Variants in BANP observed in about 807,000 individuals in gnomAD.
The protein encoded by BANP is protein BANP.
Under a neutral mutation model 68.1 loss-of-function variants are expected in BANP, and 11 were observed. The observed-to-expected ratio is 0.16, with a 90% CI of 0.10 to 0.27. The LOEUF (loss-of-function observed/expected upper bound fraction) is 0.27. Ranked by LOEUF, BANP falls within the 10% of genes least tolerant of loss-of-function variation. The pLI is 1.00. For missense variants in BANP, 504 were observed against 722.7 expected (o/e 0.70, Z 3.47); for synonymous variants, 329 against 303.2 (o/e 1.09, Z -0.88).
At chr16:87,979,189 TAA>T (rs2145962116) in intron 2 of BANP, among the ~76,000 whole-genome samples, 1 of 152,274 alleles carries the variant, frequency 6.6e-6, no homozygotes, top group African/African-American at 2.4e-5. Flanking sequence ...GTTTTCCTGT[TAA>T]GATCTTCGGA....
In BANP at chr16:88,036,322, G is replaced by C. The variant is rs1372519051; in HGVS notation, c.1272+928G>C. 6.6e-6 allele frequency among the ~76,000 whole-genome samples: 1 copy of C among 152,166 alleles called. No homozygotes were observed. The highest frequency in any genetic ancestry group is 1.9e-4 in the East Asian group (1 of 5,184). On this transcript the variant is annotated intron_variant, in intron 10 of 13. Coordinates refer to ENST00000682872, the MANE Select transcript of BANP (RefSeq NM_001386991.1). The surrounding 1 kb of genome is among the most constrained non-coding windows in gnomAD (Gnocchi z 4.2). ...CCAGCAGCAGAGACTAGGAAGCCCG[G>C]GTGCTGAGGTCAAGGGGACTCATGG...
chr16:87,982,376 T>A (rs1238997755), intron 3 of BANP, among the ~76,000 whole-genome samples: 1 of 152,212 alleles, frequency 6.6e-6, no homozygotes, highest in African/African-American at 2.4e-5. Flanking sequence ...GCAGAATCAT[T>A]TGTAATTCAG....
chr16:88,036,141 G>A lies in BANP; in HGVS notation c.1272+747G>A, dbSNP rs564797557. Among the ~76,000 whole-genome samples, 109 of 152,364 alleles carry A rather than the reference G, an allele frequency of 7.2e-4. No homozygotes were observed. The highest frequency in any genetic ancestry group is 1.9e-4 in the Non-Finnish European group (13 of 68,040). On this transcript the variant is annotated intron_variant, in intron 10 of 13. Transcript: ENST00000682872. The surrounding 1 kb of genome is among the most constrained non-coding windows in gnomAD (Gnocchi z 4.2). ...TGCAGCACAGGCAGCAGCAGGCACA[G>A]GGCACTAAGCAGCACACACGTGTTG...
At chr16:88,046,868 C>T (rs1434512816) in intron 11 of BANP, among the ~76,000 whole-genome samples, 2 of 151,924 alleles carry the variant, frequency 1.3e-5, no homozygotes, top group East Asian at 1.9e-4. Context: ...AGATCGAGAC[C>T]GTCCTGGCTA....
chr16:87,960,433 C>T (rs1483271250), intron 1 of BANP, among the ~76,000 whole-genome samples: 1 of 152,158 alleles, frequency 6.6e-6, no homozygotes, highest in East Asian at 1.9e-4. Flanking sequence ...AGGTGGGGCA[C>T]ATCGTGTATT....
chr16:87,968,070 G>GT (rs1567607630), intron 1 of BANP, among the ~76,000 whole-genome samples: 1 of 141,314 alleles, frequency 7.1e-6, no homozygotes, highest in South Asian at 2.2e-4. Context: ...GGTTCTACAG[G>GT]TTTTTTTGCC....
At chr16:87,998,629 T>G (rs1304680574) in intron 4 of BANP, among the ~76,000 whole-genome samples, 17 of 122,000 alleles carry the variant, frequency 1.4e-4, no homozygotes, top group Non-Finnish European at 1.2e-4. Context: ...TGCGCGGCTG[T>G]ACTTACCTGT....
chr16:88,027,031 C>T (rs1240472531), intron 7 of BANP, among the ~76,000 whole-genome samples: 4 of 152,254 alleles, frequency 2.6e-5, no homozygotes, highest in South Asian at 2.1e-4. Flanking sequence ...GGTGGCCGAG[C>T]AGGCCCGAGT....
At chr16:87,975,594 T>TA (rs1232027170) in intron 2 of BANP, among the ~76,000 whole-genome samples, 18 of 138,862 alleles carry the variant, frequency 1.3e-4, no homozygotes, top group Admixed American at 1.3e-3. Flanking sequence ...CATGGAACCT[T>TA]ACCATGTTGT....
intron 11 of BANP, among the ~76,000 whole-genome samples, chr16:88,039,354 C>A (rs2080192679): frequency 7.0e-6 from 1 of 143,082 alleles, no homozygotes; most frequent in African/African-American, 2.4e-5. Flanking sequence ...GTTCTCCGCG[C>A]CTTTGTCCCG....
At chr16:88,027,443 G>A (rs749993691) in intron 7 of BANP, 40 bp from the exon 8 acceptor site, 35 of 1,610,282 alleles carry the variant, frequency 2.2e-5, no homozygotes, top group Non-Finnish European at 2.9e-5. Context: ...TGGCTGTCCC[G>A]AACAGGCCTC....
intron 6 of BANP, among the ~76,000 whole-genome samples, chr16:88,010,392 T>G (rs940422714): frequency 6.6e-6 from 1 of 152,214 alleles, no homozygotes; most frequent in Non-Finnish European, 1.5e-5. Context: ...TTGCCAGGAA[T>G]TGGTCCCATG....
At chr16:87,951,640 C>T (rs918601736) in intron 1 of BANP, 125 bp downstream of exon 1, 1 of 148,584 alleles carries the variant, frequency 6.7e-6, no homozygotes, top group Admixed American at 6.7e-5. Context: ...GCAGCCCCGC[C>T]GCCGCCAACC....
chr16:87,955,435 G>T (rs1385317873), intron 1 of BANP, among the ~76,000 whole-genome samples: 1 of 152,224 alleles, frequency 6.6e-6, no homozygotes, highest in East Asian at 1.9e-4. Flanking sequence ...CTTCCCTGTT[G>T]TCTTCATCTG....
intron 7 of BANP, among the ~76,000 whole-genome samples, chr16:88,020,122 A>G (rs941743409): frequency 1.3e-5 from 2 of 152,190 alleles, no homozygotes; most frequent in African/African-American, 4.8e-5. Context: ...AAAGCAGGTC[A>G]AGAGGATCAG....
chr16:87,970,791 G>C (rs2060961169), intron 1 of BANP, among the ~76,000 whole-genome samples: 1 of 152,054 alleles, frequency 6.6e-6, no homozygotes, highest in Admixed American at 6.6e-5. Flanking sequence ...GGCTGAGGTG[G>C]GCGAATCACC....
rs961970073 is a variant in BANP at position 88,076,960 on chromosome 16, T to G, written c.*299T>G. The G allele has an allele frequency of 8.5e-6, 3 of 353,034 alleles. No individual in the cohort carries two copies. Among genetic ancestry groups the G allele is most frequent in the African/African-American group, 6.3e-5 (3 of 47,296 alleles). The allele number at this position is 353,034 out of a possible 1,614,324, so 21.9% of individuals were successfully genotyped here. On this transcript the variant is annotated 3_prime_UTR_variant, in exon 14 of 14. Transcript: ENST00000682872. ...TCAAGAACTATGATATTTTTCTGTT[T>G]AAACAGCTTTTTTTAATTTGCTATG...
rs905458625 is a variant in BANP, at chr16:88,057,090, G to A, written c.1312-8177G>A. On this transcript the variant is annotated intron_variant, in intron 11 of 13. Coordinates refer to ENST00000682872, the MANE Select transcript of BANP (RefSeq NM_001386991.1). This position sits in a 1 kb window ranked among gnomAD's most constrained non-coding sequence, Gnocchi z 4.6. ...GTGAGAACTTTTTCTGAATAAGGGAGTTTTGGTGATTCTTTGGGTGTTCTG... is the reference window on the plus strand; with the variant it reads ...GTGAGAACTTTTTCTGAATAAGGGAATTTTGGTGATTCTTTGGGTGTTCTG... Among the ~76,000 whole-genome samples the A allele has an allele frequency of 3.3e-5, 5 of 152,216 alleles. No homozygotes were observed. The highest frequency in any genetic ancestry group is 7.3e-5 in the Non-Finnish European group (5 of 68,030).
intron 5 of BANP, among the ~76,000 whole-genome samples, chr16:88,005,831 A>G (rs1360854577): frequency 6.6e-6 from 1 of 152,274 alleles, no homozygotes; most frequent in Non-Finnish European, 1.5e-5. Flanking sequence ...CCTGAGTCCC[A>G]GTGAGTATGA....
Sources: allele counts gnomAD v4.1 joint callset (sites outside exome capture counted in the v4.1 genomes callset), GRCh38; gene constraint gnomAD v4.1.1; non-coding constraint Gnocchi (gnomAD v3.1); transcripts MANE v1.5; gene names NCBI Gene and HGNC (gene_info 2026-07-23, HGNC 2026-07-21).